EVI5: variants seen among roughly 807,000 people sequenced by gnomAD.
EVI5 encodes the protein ecotropic viral integration site 5.
EVI5 carries 73 observed loss-of-function variants against 112.0 expected under a neutral mutation model. That is an observed-to-expected ratio of 0.65 (90% CI 0.54 to 0.79). The LOEUF is 0.79. Among genes scored for constraint, EVI5 ranks in the 30% least tolerant of loss-of-function variants. The pLI, the probability that EVI5 is intolerant of heterozygous loss-of-function variation, is 0.00. For missense variants in EVI5, 900 were observed against 968.8 expected (o/e 0.93, Z 0.94); for synonymous variants, 305 against 319.9 (o/e 0.95, Z 0.50).
chr1:92,572,179 G>T (rs1436184216), intron 18 of EVI5, among the ~76,000 whole-genome samples: 1 of 152,012 alleles, frequency 6.6e-6, no homozygotes, highest in Middle Eastern at 3.2e-3. Context: ...TAATCAAATG[G>T]TCATCAATAA....
At chr1:92,529,181 A>G (rs1662431216) in intron 19 of EVI5, among the ~76,000 whole-genome samples, 2 of 152,312 alleles carry the variant, frequency 1.3e-5, no homozygotes, top group East Asian at 1.9e-4. Flanking sequence ...ATATAGACCC[A>G]TAAGAGAAAC....
chr1:92,600,617 C>T (rs1333743), intron 18 of EVI5, among the ~76,000 whole-genome samples: 29,734 of 152,094 alleles, frequency 0.2, 3,452 homozygotes, highest in Non-Finnish European at 0.25. Flanking sequence ...ACTGTTCCAC[C>T]TCAGATCATC....
chr1:92,609,509 C>G (rs538553733), intron 16 of EVI5, among the ~76,000 whole-genome samples: 8 of 152,198 alleles, frequency 5.3e-5, no homozygotes, highest in East Asian at 3.9e-4. Context: ...AGGCACCCAC[C>G]ACCATGCCCA....
intron 1 of EVI5, among the ~76,000 whole-genome samples, chr1:92,746,282 T>C (rs1350547112): frequency 6.6e-6 from 1 of 152,244 alleles, no homozygotes; most frequent in Non-Finnish European, 1.5e-5. Context: ...TTAAATTTAA[T>C]GTGTCTAAGG....
intron 1 of EVI5, among the ~76,000 whole-genome samples, chr1:92,750,873 G>C (rs996663728): frequency 2.0e-5 from 3 of 152,138 alleles, no homozygotes; most frequent in Non-Finnish European, 4.4e-5. Context: ...TTTTTGGGCC[G>C]GGTGCGGTGG....
At chr1:92,663,532 C>G in intron 11 of EVI5, 80 bp from the exon 12 acceptor site, 1 of 643,310 alleles carries the variant, frequency 1.6e-6, no homozygotes, top group Non-Finnish European at 2.5e-6. Context: ...AACAAATATA[C>G]CCAAATTCCA....
At chr1:92,683,696 CTA>C (rs1349864049) in intron 9 of EVI5, among the ~76,000 whole-genome samples, 1 of 152,152 alleles carries the variant, frequency 6.6e-6, no homozygotes, top group East Asian at 1.9e-4. Context: ...AGAATAAACA[CTA>C]TAGAGAAGAC....
chr1:92,590,690 C>T (rs144767925), intron 18 of EVI5, among the ~76,000 whole-genome samples: 2 of 152,190 alleles, frequency 1.3e-5, no homozygotes, highest in African/African-American at 4.8e-5. Context: ...AAACACTCTG[C>T]AGGATACTAT....
intron 1 of EVI5, among the ~76,000 whole-genome samples, chr1:92,750,380 CA>C (rs1304568262): frequency 5.3e-5 from 8 of 152,008 alleles, no homozygotes; most frequent in African/African-American, 1.9e-4. Flanking sequence ...TTTGCTTTAC[CA>C]AACTAAGTCA....
intron 1 of EVI5, among the ~76,000 whole-genome samples, chr1:92,753,047 G>C (rs918271699): frequency 2.0e-5 from 3 of 151,512 alleles, no homozygotes. Flanking sequence ...TGATAGGGTG[G>C]ATAAGGACTG....
chr1:92,763,331 T>C (rs984376521), intron 1 of EVI5, among the ~76,000 whole-genome samples: 1 of 152,088 alleles, frequency 6.6e-6, no homozygotes, highest in Non-Finnish European at 1.5e-5. Context: ...AATAAAAATT[T>C]TGATAATTTT....
upstream of EVI5, among the ~76,000 whole-genome samples, chr1:92,787,590 A>T (rs920830807): frequency 3.3e-5 from 5 of 152,058 alleles, no homozygotes; most frequent in East Asian, 7.7e-4. Context: ...ACAAAAAAAA[A>T]TTTAGACAGG....
intron 19 of EVI5, 80 bp from the exon 20 acceptor site, chr1:92,514,050 GGAA>G: frequency 1.2e-6 from 1 of 809,746 alleles, no homozygotes; most frequent in Non-Finnish European, 1.9e-6. Context: ...CCATGTTTAA[GGAA>G]GAAGATGCCT....
intron 18 of EVI5, among the ~76,000 whole-genome samples, chr1:92,583,425 C>G (rs950649047): frequency 7.0e-6 from 1 of 143,014 alleles, no homozygotes; most frequent in African/African-American, 2.6e-5. Flanking sequence ...GCAGGAGAAT[C>G]GCTTGAACCT....
chr1:92,641,218 A>G (rs915439940), intron 13 of EVI5, among the ~76,000 whole-genome samples: 1 of 152,144 alleles, frequency 6.6e-6, no homozygotes, highest in Non-Finnish European at 1.5e-5. Flanking sequence ...TTGTGTGATT[A>G]ATTTTTAAAA....
Position 92,607,708 on chromosome 1 carries a change from T to C in EVI5, c.1847A>G (p.His616Arg). 1.2e-6 allele frequency: 2 copies of C among 1,601,818 alleles called. No individual in the cohort carries two copies. Among genetic ancestry groups the C allele is most frequent in the Non-Finnish European group, 1.7e-6 (2 of 1,174,844 alleles). The change falls in exon 17 of 20, where the codon CAT (histidine) becomes CGT (arginine). Residue 616 changes from histidine to arginine, a missense_variant. Physicochemically the swap from His to Arg is conservative, Grantham distance 29. Transcript: ENST00000684568. ...METQNQINSN[H>R]LRRAEQEVIS... is the part of the protein sequence containing the mutation. ...CACCTCTTGTTCTGCTCTTCGAAGATGGTTACTATTGATCTGGTTCTAATA... is the reference window on the plus strand; with the variant it reads ...CACCTCTTGTTCTGCTCTTCGAAGACGGTTACTATTGATCTGGTTCTAATA...
In EVI5 at chr1:92,592,752, CACAT is replaced by C. The variant is rs775707773; in HGVS notation, c.2070+12551_2070+12554del. Among the ~76,000 whole-genome samples, 78 of 152,268 alleles carry C rather than the reference CACAT, an allele frequency of 5.1e-4. 1 individual carries two copies. Among genetic ancestry groups the C allele is most frequent in the South Asian group, 1.9e-3 (9 of 4,826 alleles). On this transcript the variant is annotated intron_variant, in intron 18 of 19. Transcript: ENST00000684568. ...ATAAAGGGGATATCACCACCGATCC[CACAT>C]ACATACAAACTACCATCAGAGCATA...
At chr1:92,515,013 A>G (rs1659641118) in intron 19 of EVI5, among the ~76,000 whole-genome samples, 1 of 152,216 alleles carries the variant, frequency 6.6e-6, no homozygotes, top group African/African-American at 2.4e-5. Flanking sequence ...CCAGTCCGGT[A>G]TAACATTTCT....
intron 13 of EVI5, among the ~76,000 whole-genome samples, chr1:92,658,334 A>AC (rs1558011477): frequency 6.6e-6 from 1 of 152,126 alleles, no homozygotes; most frequent in Non-Finnish European, 1.5e-5. Context: ...TACCTAGAAA[A>AC]CCCTAGAGAT....
Sources: allele counts gnomAD v4.1 joint callset (sites outside exome capture counted in the v4.1 genomes callset), GRCh38; gene constraint gnomAD v4.1.1; transcripts MANE v1.5; gene names NCBI Gene and HGNC (gene_info 2026-07-23, HGNC 2026-07-21).